Variants in TRRAP observed in about 807,000 individuals in gnomAD.
The protein encoded by TRRAP is transformation/transcription domain-associated protein.
TRRAP carries 41 observed loss-of-function variants against 438.8 expected under a neutral mutation model. The observed-to-expected ratio is 0.09, with a 90% confidence interval of 0.07 to 0.12. The LOEUF (loss-of-function observed/expected upper bound fraction) is 0.12. Among genes scored for constraint, TRRAP ranks in the 10% least tolerant of loss-of-function variants. The pLI is 1.00. For synonymous variants in TRRAP, 1,994 were observed against 1,962.9 expected (o/e 1.02, Z -0.42); for missense variants, 3,122 against 5,055.1 (o/e 0.62, Z 11.60).
Position 98,983,572 on chromosome 7 carries a change from G to T in TRRAP, c.9022+113G>T, listed in dbSNP as rs6968258. On this transcript the variant is annotated intron_variant, in intron 60 of 72. Transcript: ENST00000456197. ...TTGGTTTGGTTTTTTTTTCCCCCAG[G>T]TTTTCTATTTTGGGGTAGGGAATGA... is the stretch of plus-strand genomic sequence containing the variant. 104,803 of 1,257,724 alleles carry T rather than the reference G, an allele frequency of 0.083. 5,400 individuals carry two copies. Among genetic ancestry groups the T allele is most frequent in the East Asian group, 0.27 (10,822 of 39,446 alleles). The allele number at this position is 1,257,724 out of a possible 1,614,324, so 77.9% of individuals were successfully genotyped here.
At chr7:98,969,492 G>A (rs535389425) in intron 51 of TRRAP, among the ~76,000 whole-genome samples, 1 of 152,344 alleles carries the variant, frequency 6.6e-6, no homozygotes, top group South Asian at 2.1e-4. Context: ...TTGAGGCAGG[G>A]GACACTATCT....
intron 53 of TRRAP, among the ~76,000 whole-genome samples, chr7:98,974,440 A>G (rs1020474806): frequency 1.8e-4 from 27 of 152,034 alleles, no homozygotes; most frequent in Non-Finnish European, 3.5e-4. Flanking sequence ...AGGTCTGGCC[A>G]TTGTTCCCTG....
At chr7:98,924,038 A>G (rs1789924039) in intron 21 of TRRAP, among the ~76,000 whole-genome samples, 1 of 152,262 alleles carries the variant, frequency 6.6e-6, no homozygotes, top group Non-Finnish European at 1.5e-5. Flanking sequence ...GTAAAAGCTT[A>G]AGAAAGCCAT....
At chr7:98,955,587 T>G (rs782282720) in intron 41 of TRRAP, among the ~76,000 whole-genome samples, 1 of 152,204 alleles carries the variant, frequency 6.6e-6, no homozygotes, top group Non-Finnish European at 1.5e-5. Flanking sequence ...GTTTGCACCT[T>G]AAGGTGGGAG....
chr7:98,979,542 A>G (rs1346987290), intron 58 of TRRAP, among the ~76,000 whole-genome samples: 2 of 152,174 alleles, frequency 1.3e-5, no homozygotes, highest in Admixed American at 6.5e-5. Flanking sequence ...ATCCACACAT[A>G]TGGAGGACCA....
At chr7:98,878,667 C>T (rs1554402519) in intron 1 of TRRAP, 30 bp downstream of exon 1, 1 of 151,704 alleles carries the variant, frequency 6.6e-6, no homozygotes, top group Non-Finnish European at 1.5e-5. Flanking sequence ...TCCGAACGGC[C>T]CCGGGAGGTG....
intron 18 of TRRAP, among the ~76,000 whole-genome samples, chr7:98,912,844 A>C (rs1005089182): frequency 2.6e-5 from 4 of 152,134 alleles, no homozygotes; most frequent in Admixed American, 1.3e-4. Context: ...GGAAAAAAAA[A>C]CATCTTTATT....
intron 30 of TRRAP, among the ~76,000 whole-genome samples, chr7:98,938,731 A>G (rs1362943224): frequency 6.6e-6 from 1 of 152,152 alleles, no homozygotes; most frequent in Non-Finnish European, 1.5e-5. Flanking sequence ...CAGCCTTTTC[A>G]TTATATACCA....
At chr7:99,010,383 C>CA (rs762972089) in intron 70 of TRRAP, among the ~76,000 whole-genome samples, 5 of 152,232 alleles carry the variant, frequency 3.3e-5, no homozygotes, top group Admixed American at 6.5e-5. Context: ...AGGAAACAAA[C>CA]AAACTGCATG....
At chr7:98,965,660 G>C in intron 48 of TRRAP, 36 bp from the exon 49 acceptor site, 1 of 1,612,276 alleles carries the variant, frequency 6.2e-7, no homozygotes. Flanking sequence ...TCAACGTTTA[G>C]AGACCCGTGG....
chr7:98,892,933 T>G (rs1796040062), intron 5 of TRRAP, among the ~76,000 whole-genome samples: 1 of 152,210 alleles, frequency 6.6e-6, no homozygotes, highest in East Asian at 1.9e-4. Flanking sequence ...ACCTCCAAAT[T>G]GTTTTCTTGC....
In TRRAP at chr7:98,956,003, A is replaced by G. The variant is rs1791582279; in HGVS notation, c.5938-143A>G. The G allele has an allele frequency of 1.9e-6, 2 of 1,055,616 alleles. No individual in the cohort carries two copies. The highest frequency in any genetic ancestry group is 3.2e-5 in the African/African-American group (2 of 62,866). The allele number at this position is 1,055,616 out of a possible 1,614,324, so 65.4% of individuals were successfully genotyped here. A position where few individuals can be genotyped will look rare whatever the true frequency, so the allele number is the denominator to read the frequency against. On this transcript the variant is annotated intron_variant, in intron 41 of 72. Coordinates refer to ENST00000456197, the MANE Select transcript of TRRAP (RefSeq NM_001375524.1). The surrounding 1 kb of genome is among the most constrained non-coding windows in gnomAD (Gnocchi z 4.5). Reference sequence around the variant, plus strand: ...TTCCTCGCTCAGGTTAGGATTCAGAATTCTTGAGCATCAAGTTGGGCTGTG... The same window carrying G: ...TTCCTCGCTCAGGTTAGGATTCAGAGTTCTTGAGCATCAAGTTGGGCTGTG...
chr7:99,010,243 T>C (rs1191418998), intron 70 of TRRAP, among the ~76,000 whole-genome samples: 5 of 152,228 alleles, frequency 3.3e-5, no homozygotes, highest in Non-Finnish European at 7.3e-5. Context: ...TCCAGACTGT[T>C]GTAAGCCTTT....
chr7:98,950,336 C>G, intron 38 of TRRAP, 74 bp downstream of exon 38: 1 of 1,529,540 alleles, frequency 6.5e-7, no homozygotes, highest in Non-Finnish European at 8.9e-7. Flanking sequence ...GGGCCCTTTT[C>G]TTTTTTTGCT....
In TRRAP at chr7:98,961,437, T is replaced by C. The variant is rs1025917838; in HGVS notation, c.6666T>C (p.Leu2222=). The C allele has an allele frequency of 6.2e-7, 1 of 1,614,112 alleles. No individual in the cohort carries two copies. The highest frequency in any genetic ancestry group is 8.5e-7 in the Non-Finnish European group (1 of 1,180,042). ...NTKVLRAVHS[L]LSRLMSIFPT... is the part of the protein sequence containing the mutation. ...AGGTGTTGCGAGCCGTCCACAGCCT[T>C]CTCTCGCGCCTGATGAGCATTTTCC... Residue 2222 remains leucine (L), a synonymous_variant, in exon 46 of 73, where the codon CTT becomes CTC. Coordinates refer to ENST00000456197, the MANE Select transcript of TRRAP (RefSeq NM_001375524.1).
intron 26 of TRRAP, among the ~76,000 whole-genome samples, chr7:98,932,837 A>G (rs1303920961): frequency 1.3e-5 from 2 of 152,028 alleles, no homozygotes; most frequent in East Asian, 3.9e-4. Flanking sequence ...GCATCTGAGG[A>G]TGCAGAACCA....
At chr7:98,899,328 C>G in intron 8 of TRRAP, 94 bp from the exon 9 acceptor site, 2 of 1,005,560 alleles carry the variant, frequency 2.0e-6, no homozygotes, top group Non-Finnish European at 3.1e-6. Context: ...TTTCCGTTCT[C>G]TCTCTTTCAG....
intron 12 of TRRAP, among the ~76,000 whole-genome samples, chr7:98,905,568 G>A (rs1003898606): frequency 1.1e-4 from 17 of 152,144 alleles, no homozygotes; most frequent in Non-Finnish European, 2.4e-4. Flanking sequence ...CCCTGGTTAG[G>A]TTCAGGCCTG....
intron 4 of TRRAP, among the ~76,000 whole-genome samples, chr7:98,892,136 C>T (rs1289756085): frequency 6.6e-6 from 1 of 152,312 alleles, no homozygotes; most frequent in South Asian, 2.1e-4. Context: ...TGTTCGTACA[C>T]CAGTGTCCGT....
Sources: allele counts gnomAD v4.1 joint callset (sites outside exome capture counted in the v4.1 genomes callset), GRCh38; gene constraint gnomAD v4.1.1; non-coding constraint Gnocchi (gnomAD v3.1); transcripts MANE v1.5; gene names NCBI Gene and HGNC (gene_info 2026-07-23, HGNC 2026-07-21).